Variants in STK3 observed in about 807,000 individuals in gnomAD.
STK3 encodes the protein serine/threonine kinase 3, also known as serine/threonine-protein kinase 3.
In STK3, 41 loss-of-function variants were observed where a neutral mutation model predicts 58.0. The ratio of observed to expected loss-of-function variants is 0.71; its 90% CI spans 0.55 to 0.92. STK3 has a LOEUF of 0.92. STK3 is among the 40% of genes least tolerant of loss of function. The pLI is 0.00. For missense variants in STK3, 479 were observed against 602.7 expected (o/e 0.79, Z 2.15); for synonymous variants, 170 against 191.0 (o/e 0.89, Z 0.91).
At chr8:98,892,483 C>T (rs551264971) in intron 1 of STK3, among the ~76,000 whole-genome samples, 51 of 152,298 alleles carry the variant, frequency 3.3e-4, no homozygotes, top group African/African-American at 1.2e-3. Context: ...GGTTTACAAG[C>T]CCTTATGCTC....
chr8:98,495,209 C>T (rs143448440), intron 10 of STK3, among the ~76,000 whole-genome samples: 20 of 152,240 alleles, frequency 1.3e-4, no homozygotes, highest in East Asian at 3.9e-4. Context: ...TAACCATCAA[C>T]GCAATGTGCC....
At chr8:98,565,192 T>C (rs1812376564) in intron 8 of STK3, among the ~76,000 whole-genome samples, 1 of 152,124 alleles carries the variant, frequency 6.6e-6, no homozygotes, top group Non-Finnish European at 1.5e-5. Context: ...GGAAGGTTTT[T>C]AAAAAAATCC....
chr8:98,548,468 A>T (rs996715774), intron 8 of STK3, among the ~76,000 whole-genome samples: 2 of 152,168 alleles, frequency 1.3e-5, no homozygotes, highest in African/African-American at 2.4e-5. Flanking sequence ...ATATGGTGAC[A>T]AAACAACTAA....
chr8:98,750,938 T>C (rs961407761), intron 3 of STK3, among the ~76,000 whole-genome samples: 3 of 152,304 alleles, frequency 2.0e-5, no homozygotes, highest in Middle Eastern at 3.4e-3. Context: ...GGATGCAAGA[T>C]TGGTTCAACA....
At position 98,915,432 on chromosome 8, in the gene STK3, C is replaced by CTATATATATATATATA. The variant is rs56187203; in HGVS notation, c.-79+26930_-79+26945dup. Among the ~76,000 whole-genome samples the CTATATATATATATATA allele has an allele frequency of 5.3e-3, 503 of 94,542 alleles. 16 individuals carry two copies. Among genetic ancestry groups the CTATATATATATATATA allele is most frequent in the Admixed American group, 6.8e-3 (58 of 8,572 alleles). The allele number at this position is 94,542 out of a possible 152,430, so 62.0% of individuals were successfully genotyped here. On this transcript the variant is annotated intron_variant, in intron 1 of 1. Transcript: ENST00000519420. Reference sequence around the variant, plus strand: ...GTGAGTTAATACTTAATAAACTTTCCTATATATATATATATATATATATAT... The same window carrying CTATATATATATATATA: ...GTGAGTTAATACTTAATAAACTTTCCTATATATATATATATATATATATATATATATATATATATAT...
chr8:98,635,933 T>A (rs1408469013), intron 6 of STK3, among the ~76,000 whole-genome samples: 2 of 152,182 alleles, frequency 1.3e-5, no homozygotes, highest in African/African-American at 4.8e-5. Flanking sequence ...CAGCATGGCT[T>A]ACCTTTGGCC....
intron 9 of STK3, among the ~76,000 whole-genome samples, chr8:98,543,621 A>T (rs1810462048): frequency 6.6e-6 from 1 of 152,214 alleles, no homozygotes; most frequent in Non-Finnish European, 1.5e-5. Flanking sequence ...CAGCTTCTCT[A>T]GGTACTTGCA....
chr8:98,368,533 C>T (rs1386566781), downstream of STK3, among the ~76,000 whole-genome samples: 1 of 152,220 alleles, frequency 6.6e-6, no homozygotes, highest in Non-Finnish European at 1.5e-5. Flanking sequence ...ACCCCTAACA[C>T]ATGGCAGGTG....
downstream of STK3, among the ~76,000 whole-genome samples, chr8:98,454,134 C>T (rs995010336): frequency 6.6e-6 from 1 of 152,088 alleles, no homozygotes; most frequent in Admixed American, 6.5e-5. Flanking sequence ...GGTACAAATA[C>T]CATTTTTAAA....
intron 6 of STK3, among the ~76,000 whole-genome samples, chr8:98,695,462 G>C (rs1824817758): frequency 6.6e-6 from 1 of 152,080 alleles, no homozygotes; most frequent in African/African-American, 2.4e-5. Flanking sequence ...TTTTCTTCTA[G>C]GATTTTTATG....
intron 9 of STK3, among the ~76,000 whole-genome samples, chr8:98,533,639 C>T (rs998040029): frequency 1.4e-4 from 22 of 152,136 alleles, no homozygotes; most frequent in East Asian, 3.9e-4. Context: ...AGGCATGCAC[C>T]GCCACACTCG....
At chr8:98,841,646 C>T (rs1397636792) in intron 3 of STK3, among the ~76,000 whole-genome samples, 1 of 133,994 alleles carries the variant, frequency 7.5e-6, no homozygotes, top group Non-Finnish European at 1.5e-5. Context: ...ACCTCCACTG[C>T]ACCCCAGTCT....
chr8:98,478,420 G>A (rs1427603023), intron 10 of STK3, among the ~76,000 whole-genome samples: 1 of 152,150 alleles, frequency 6.6e-6, no homozygotes, highest in Admixed American at 6.5e-5. Flanking sequence ...CGCCTCCCGA[G>A]CAGAGCAAAG....
At chr8:98,382,629 T>A (rs1259462745) in intron 1 of STK3, among the ~76,000 whole-genome samples, 1 of 151,992 alleles carries the variant, frequency 6.6e-6, no homozygotes, top group Non-Finnish European at 1.5e-5. Context: ...CTCCATGAGG[T>A]GGGGTCTGCC....
intron 1 of STK3, among the ~76,000 whole-genome samples, chr8:98,818,503 A>G (rs1351164513): frequency 1.3e-5 from 2 of 152,026 alleles, no homozygotes; most frequent in Non-Finnish European, 2.9e-5. Context: ...CCATAAACAG[A>G]GTCAAGAAAA....
At chr8:98,741,745 C>T (rs554752026) in intron 4 of STK3, among the ~76,000 whole-genome samples, 5 of 152,140 alleles carry the variant, frequency 3.3e-5, no homozygotes, top group South Asian at 2.1e-4. Flanking sequence ...TAACTAAAAT[C>T]GAACCAGAAC....
downstream of STK3, chr8:98,879,760 CT>C (rs1358437251): frequency 6.6e-6 from 1 of 151,894 alleles, no homozygotes; most frequent in African/African-American, 2.4e-5. Context: ...TTAAAAACAA[CT>C]GAGAAATATC....
At position 98,900,225 on chromosome 8, in the gene STK3, C is replaced by T. The variant is rs1041760376; in HGVS notation, c.-78-16391G>A. On this transcript the variant is annotated intron_variant, in intron 1 of 1. Coordinates refer to the STK3 transcript ENST00000519420. ...CCGAGTAGCAGAGATTACAGGCGCC[C>T]GCCACTACACCCGGCTAATTTTTGT... Among the ~76,000 whole-genome samples, 6 of 151,978 alleles carry T rather than the reference C, an allele frequency of 3.9e-5. 1 individual carries two copies. In the South Asian group the frequency reaches 1.0e-3, roughly 26 times the overall value.
intron 6 of STK3, among the ~76,000 whole-genome samples, chr8:98,640,553 T>C (rs1020522971): frequency 2.6e-5 from 4 of 152,184 alleles, no homozygotes; most frequent in Non-Finnish European, 5.9e-5. Flanking sequence ...ACCATTCTTC[T>C]TATGAAAATA....
Sources: allele counts gnomAD v4.1 joint callset (sites outside exome capture counted in the v4.1 genomes callset), GRCh38; gene constraint gnomAD v4.1.1; transcripts MANE v1.5; gene names NCBI Gene and HGNC (gene_info 2026-07-23, HGNC 2026-07-21).